The following SAMD3 variants were observed in gnomAD, a reference collection of about 807,000 sequenced individuals.
SAMD3 encodes sterile alpha motif domain-containing protein 3.
In SAMD3, 63 loss-of-function variants were observed where a neutral mutation model predicts 58.5. The observed-to-expected ratio is 1.08, with a 90% CI of 0.88 to 1.33. The LOEUF is 1.33. Ranked by LOEUF, SAMD3 falls within the 40% of genes most tolerant of loss-of-function variation. SAMD3 has a pLI of 0.00. For synonymous variants in SAMD3, 220 were observed against 210.3 expected, an observed-to-expected ratio of 1.05 and a Z score of -0.40; for missense variants, 604 against 608.4, an observed-to-expected ratio of 0.99 and a Z score of 0.08.
chr6:130,262,243 ACCTGTGGATGG>A (rs1774167446), intron 2 of SAMD3, among the ~76,000 whole-genome samples: 2 of 151,934 alleles, frequency 1.3e-5, no homozygotes, highest in Non-Finnish European at 2.9e-5. Flanking sequence ...TGACCCAGTA[ACCTGTGGATGG>A]CCCAAATGCA....
intron 1 of SAMD3, among the ~76,000 whole-genome samples, chr6:130,356,350 G>A (rs1025084863): frequency 3.3e-5 from 5 of 152,188 alleles, no homozygotes; most frequent in African/African-American, 1.2e-4. Flanking sequence ...CCCGGCTACA[G>A]ATATCTGTAA....
intron 2 of SAMD3, among the ~76,000 whole-genome samples, chr6:130,268,774 A>G (rs546597035): frequency 2.0e-5 from 3 of 152,312 alleles, no homozygotes; most frequent in African/African-American, 4.8e-5. Context: ...AGTGCACTCT[A>G]TGATGTTCAC....
At chr6:130,292,618 T>C (rs1451001125) in intron 2 of SAMD3, among the ~76,000 whole-genome samples, 1 of 120,644 alleles carries the variant, frequency 8.3e-6, no homozygotes. Context: ...GTTTGTTTGT[T>C]TTGTTTTGTT....
At chr6:130,212,355 G>A (rs12110968) in intron 4 of SAMD3, among the ~76,000 whole-genome samples, 247 of 152,230 alleles carry the variant, frequency 1.6e-3, no homozygotes, top group African/African-American at 5.7e-3. Context: ...AAATCCCTAA[G>A]GTGAGTCAGC....
intron 2 of SAMD3, among the ~76,000 whole-genome samples, chr6:130,248,307 A>C (rs1447300905): frequency 6.6e-6 from 1 of 152,140 alleles, no homozygotes; most frequent in African/African-American, 2.4e-5. Flanking sequence ...CACAAATCAC[A>C]GCCAATGGCC....
intron 1 of SAMD3, among the ~76,000 whole-genome samples, chr6:130,362,033 C>G (rs1778003240): frequency 6.6e-6 from 1 of 152,202 alleles, no homozygotes; most frequent in African/African-American, 2.4e-5. Context: ...GGGTCAAAGG[C>G]TATGCTCTCT....
chr6:130,216,897 A>G (rs946701406), intron 1 of SAMD3, among the ~76,000 whole-genome samples: 3 of 152,210 alleles, frequency 2.0e-5, no homozygotes, highest in Non-Finnish European at 4.4e-5. Context: ...ATTAGGACTT[A>G]GGGAAAAAAT....
At chr6:130,298,402 A>G (rs1210832735) in intron 2 of SAMD3, among the ~76,000 whole-genome samples, 1 of 152,210 alleles carries the variant, frequency 6.6e-6, no homozygotes, top group African/African-American at 2.4e-5. Context: ...TGGAAACAAA[A>G]GAATGACGCT....
At chr6:130,215,169 AT>A in intron 3 of SAMD3, 25 bp downstream of exon 3, 3 of 1,296,692 alleles carry the variant, frequency 2.3e-6, no homozygotes, top group Admixed American at 1.8e-5. Flanking sequence ...CTCAATTAAA[AT>A]TTTTGGAAAG....
chr6:130,239,136 A>C (rs1243372218), intron 2 of SAMD3, among the ~76,000 whole-genome samples: 1 of 152,210 alleles, frequency 6.6e-6, no homozygotes, highest in Non-Finnish European at 1.5e-5. Context: ...GAGTCATCAA[A>C]CAACCACCAG....
intron 1 of SAMD3, among the ~76,000 whole-genome samples, chr6:130,361,111 AG>A (rs1243773919): frequency 6.6e-6 from 1 of 152,162 alleles, no homozygotes; most frequent in Non-Finnish European, 1.5e-5. Context: ...TATCCTCCTC[AG>A]CTTACGAGAT....
intron 1 of SAMD3, among the ~76,000 whole-genome samples, chr6:130,329,970 G>T (rs1776877540): frequency 6.6e-6 from 1 of 152,010 alleles, no homozygotes; most frequent in South Asian, 2.1e-4. Context: ...ATGCATGCAG[G>T]GCTTAAAACC....
intron 2 of SAMD3, among the ~76,000 whole-genome samples, chr6:130,257,691 T>C (rs980904602): frequency 6.6e-6 from 1 of 152,170 alleles, no homozygotes; most frequent in South Asian, 2.1e-4. Context: ...CAATTTTTAA[T>C]TGAAATTATA....
intron 5 of SAMD3, among the ~76,000 whole-genome samples, chr6:130,200,498 G>A (rs1166618132): frequency 1.5e-5 from 2 of 135,222 alleles, no homozygotes; most frequent in Admixed American, 8.5e-5. Context: ...GCAGTGAGCC[G>A]AGATCACACC....
chr6:130,251,249 C>G (rs1773728587), intron 2 of SAMD3, among the ~76,000 whole-genome samples: 1 of 152,150 alleles, frequency 6.6e-6, no homozygotes, highest in African/African-American at 2.4e-5. Flanking sequence ...TCTGTTTAAA[C>G]TCTTTGCCCT....
Position 130,244,640 on chromosome 6 carries a change from C to T in SAMD3, c.-187-21827G>A, listed in dbSNP as rs189977964. On this transcript the variant is annotated intron_variant, in intron 2 of 13. Coordinates refer to the SAMD3 transcript ENST00000368134. ...CTGCAATCCCAGCTACTCGGGAGGC[C>T]GAGGCATGAGAATCGCCTGAACCCA... Among the ~76,000 whole-genome samples, 384 of 151,452 alleles carry T rather than the reference C, an allele frequency of 2.5e-3. 1 individual carries two copies. Among genetic ancestry groups the T allele is most frequent in the Middle Eastern group, 0.017 (5 of 294 alleles).
chr6:130,192,328 CA>C (rs766469416), intron 5 of SAMD3, among the ~76,000 whole-genome samples: 5 of 152,146 alleles, frequency 3.3e-5, no homozygotes, highest in Non-Finnish European at 7.3e-5. Context: ...CCTCTGAGCC[CA>C]AGCTAAGCCA....
intron 1 of SAMD3, among the ~76,000 whole-genome samples, chr6:130,349,141 G>T (rs377161093): frequency 3.9e-5 from 6 of 151,998 alleles, no homozygotes; most frequent in Admixed American, 1.3e-4. Context: ...GATCTAAAAT[G>T]GACACCCTAA....
chr6:130,167,466 T>C (rs1273828644), intron 8 of SAMD3, among the ~76,000 whole-genome samples: 1 of 152,216 alleles, frequency 6.6e-6, no homozygotes, highest in East Asian at 1.9e-4. Context: ...AAAAAAATAC[T>C]ACTGTATAAA....
Sources: gnomAD v4.1 joint callset for allele counts (sites outside exome capture counted in the v4.1 genomes callset) on GRCh38, gnomAD v4.1.1 for gene constraint, MANE v1.5 for transcripts, NCBI Gene and HGNC (gene_info 2026-07-23, HGNC 2026-07-21) for gene names.